The following TRIM7 variants were observed in gnomAD, a reference collection of about 807,000 sequenced individuals.
TRIM7 encodes E3 ubiquitin-protein ligase TRIM7.
A neutral mutation model predicts 37.9 loss-of-function variants in TRIM7; 32 were observed. The observed-to-expected ratio is 0.84, with a 90% CI of 0.64 to 1.13. The LOEUF (loss-of-function observed/expected upper bound fraction) is 1.13, where lower values mean the gene tolerates loss of function less well. TRIM7 is among the 50% of genes most tolerant of loss of function. The pLI, the probability that TRIM7 is intolerant of heterozygous loss-of-function variation, is 0.00. For synonymous variants in TRIM7, 351 were observed against 321.3 expected (o/e 1.09, Z -0.99); for missense variants, 732 against 714.0 (o/e 1.03, Z -0.29).
chr5:181,203,884 C>G, intron 1 of TRIM7: 10 of 1,281,774 alleles, frequency 7.8e-6, no homozygotes, highest in Non-Finnish European at 9.9e-6. Flanking sequence ...GCAGCCCTAC[C>G]CCTAGTCGTC....
chr5:181,204,929 C>T lies in TRIM7; in HGVS notation c.182G>A (p.Gly61Asp), dbSNP rs764478278. 1 of 1,407,400 alleles carries T rather than the reference C, an allele frequency of 7.1e-7. No individual in the cohort carries two copies. The allele number at this position is 1,407,400 out of a possible 1,614,324, so 87.2% of individuals were successfully genotyped here. ...ACIGRCWERP[G>D]AGSVGAATRA... ...GGTGGCGGCCCCAACAGACCCCGCG[C>T]CCGGGCGCTCCCAGCAGCGCCCTAT... The change falls in exon 1 of 7, where the codon GGC becomes GAC. Residue 61 changes from glycine to aspartate, a missense_variant. Coordinates refer to ENST00000274773, the MANE Select transcript of TRIM7 (RefSeq NM_203293.3).
intron 6 of TRIM7, chr5:181,197,125 G>A (rs1196097497): frequency 6.6e-6 from 1 of 150,418 alleles, no homozygotes; most frequent in Non-Finnish European, 1.5e-5. Flanking sequence ...TCCACCCTGG[G>A]CAACAAAGCG....
rs977051188 is a variant in TRIM7, at chr5:181,194,415, G to C, written c.*751C>G. 1 of 152,282 alleles carries C rather than the reference G, an allele frequency of 6.6e-6. No homozygotes were observed. The highest frequency in any genetic ancestry group is 2.4e-5 in the African/African-American group (1 of 41,458). The allele number at this position is 152,282 out of a possible 1,614,324, so 9.4% of individuals were successfully genotyped here. A position where few individuals can be genotyped will look rare whatever the true frequency, so the allele number is the denominator to read the frequency against. ...AGAAAGAGTAAATAAAGTTCCAGAAGCTTTGCTCTCCTTATCCAAGCAGCG... is the reference window on the plus strand; with the variant it reads ...AGAAAGAGTAAATAAAGTTCCAGAACCTTTGCTCTCCTTATCCAAGCAGCG... On this transcript the variant is annotated 3_prime_UTR_variant, in exon 7 of 7. Coordinates refer to ENST00000274773, the MANE Select transcript of TRIM7 (RefSeq NM_203293.3).
chr5:181,204,734 GC>G lies in TRIM7; in HGVS notation c.376del (p.Ala126ArgfsTer56), dbSNP rs1757715741. 2.7e-6 allele frequency: 4 copies of G among 1,466,252 alleles called. No homozygotes were observed. The highest frequency in any genetic ancestry group is 1.5e-5 in the African/African-American group (1 of 67,360). The allele number at this position is 1,466,252 out of a possible 1,614,324, so 90.8% of individuals were successfully genotyped here. Reference sequence around the variant, plus strand: ...GCCATGCTGCCCGCAGCGGGCAGCCGCTGCCCGGGCCGCGGCCGCCTGAGAC... The same window carrying G: ...GCCATGCTGCCCGCAGCGGGCAGCCGTGCCCGGGCCGCGGCCGCCTGAGAC... ...HGSQAAAARA[A>X]AARCGQHGEP... On this transcript the variant is annotated frameshift_variant, in exon 1 of 7. Coordinates refer to ENST00000274773, the MANE Select transcript of TRIM7 (RefSeq NM_203293.3). LOFTEE classifies it high-confidence loss of function.
In TRIM7 at chr5:181,203,240, T is replaced by G. The variant is rs1323402263; in HGVS notation, c.618+305A>C. 4 of 1,207,094 alleles carry G rather than the reference T, an allele frequency of 3.3e-6. No individual in the cohort carries two copies. In the Admixed American group the frequency reaches 1.6e-4, roughly 49 times the overall value. The allele number at this position is 1,207,094 out of a possible 1,614,324, so 74.8% of individuals were successfully genotyped here. On this transcript the variant is annotated intron_variant, in intron 2 of 6. Coordinates refer to ENST00000274773, the MANE Select transcript of TRIM7 (RefSeq NM_203293.3). The stretch of plus-strand genomic sequence containing the variant: ...AGTAATGTGTTCCATTACAAGATGC[T>G]TCCGCAGGCCCTAACTGGTATGTTA...
intron 5 of TRIM7, 147 bp downstream of exon 5, chr5:181,198,543 A>T: frequency 1.5e-6 from 1 of 683,924 alleles, no homozygotes; most frequent in African/African-American, 1.8e-5. Context: ...ATTTGCCACC[A>T]CAGCCCCTAC....
chr5:181,198,977 A>G (rs1582228735), intron 4 of TRIM7, 118 bp downstream of exon 4: 1 of 1,403,304 alleles, frequency 7.1e-7, no homozygotes, highest in South Asian at 1.2e-5. Context: ...GAAGGTCCCC[A>G]GGCAAGCAAG....
In TRIM7 at chr5:181,204,740, C is replaced by G. The variant is rs2113098406; in HGVS notation, c.371G>C (p.Arg124Pro). 2 of 1,460,954 alleles carry G rather than the reference C, an allele frequency of 1.4e-6. No individual in the cohort carries two copies. Among genetic ancestry groups the G allele is most frequent in the East Asian group, 3.0e-5 (1 of 33,622 alleles). The allele number at this position is 1,460,954 out of a possible 1,614,324, so 90.5% of individuals were successfully genotyped here. Residue 124 changes from arginine to proline, a missense_variant, in exon 1 of 7, where the codon CGG becomes CCG. Arg to Pro is a moderately radical substitution (Grantham distance 103). Transcript: ENST00000274773. The stretch of plus-strand genomic sequence containing the variant: ...CTGCCCGCAGCGGGCAGCCGCTGCC[C>G]GGGCCGCGGCCGCCTGAGACCCGTG... ...GEHGSQAAAARAAAARCGQHG... is the reference protein window; with the variant it reads ...GEHGSQAAAAPAAAARCGQHG...
At chr5:181,198,265 T>C in intron 5 of TRIM7, 47 bp from the exon 6 acceptor site, 1 of 1,601,082 alleles carries the variant, frequency 6.2e-7, no homozygotes. Context: ...ACACGGGAGA[T>C]TATATGGCAA....
rs1757000838 is a variant in TRIM7, at chr5:181,194,967, C to T, written c.*199G>A. Reference sequence around the variant, plus strand: ...TGTGACCTCAGGAAGGGAACACCCTCAGGAGTCCAAAGCCCCTGTTCCCCT... The same window carrying T: ...TGTGACCTCAGGAAGGGAACACCCTTAGGAGTCCAAAGCCCCTGTTCCCCT... On this transcript the variant is annotated 3_prime_UTR_variant, in exon 7 of 7. Coordinates refer to ENST00000274773, the MANE Select transcript of TRIM7 (RefSeq NM_203293.3). The T allele has an allele frequency of 1.8e-5, 11 of 609,866 alleles. No homozygotes were observed. In the South Asian group the frequency reaches 2.1e-4, roughly 12 times the overall value. 37.8% of individuals were successfully genotyped at this position (609,866 alleles called of 1,614,324 possible).
intron 2 of TRIM7, chr5:181,200,801 G>T: frequency 1.0e-6 from 1 of 985,666 alleles, no homozygotes; most frequent in Non-Finnish European, 1.2e-6. Context: ...CACTCAATAT[G>T]TCCCACCAGG....
At chr5:181,202,624 T>C (rs1445441307) in intron 2 of TRIM7, 9 of 150,602 alleles carry the variant, frequency 6.0e-5, no homozygotes, top group African/African-American at 1.7e-4. Context: ...TGGAGTGCAG[T>C]GGCGCGATCT....
chr5:181,196,685 C>G (rs1157265970), intron 6 of TRIM7: 1 of 152,190 alleles, frequency 6.6e-6, no homozygotes, highest in African/African-American at 2.4e-5. Context: ...CCACTGTACT[C>G]CATGATCTCA....
Position 181,194,097 on chromosome 5 carries a change from G to A in TRIM7, c.*1069C>T, listed in dbSNP as rs1056015. 6.6e-6 allele frequency: 1 copy of A among 152,324 alleles called. No homozygotes were observed. The highest frequency in any genetic ancestry group is 1.5e-5 in the Non-Finnish European group (1 of 68,090). The allele number at this position is 152,324 out of a possible 1,614,324, so 9.4% of individuals were successfully genotyped here. The stretch of plus-strand genomic sequence containing the variant: ...GAATGCCCTCCAGGGCATGGGCTGA[G>A]AAGGCCTTGGCACCAGGGTGCTCTG... On this transcript the variant is annotated 3_prime_UTR_variant, in exon 7 of 7. Transcript: ENST00000274773.
At chr5:181,200,296 G>C in intron 2 of TRIM7, 2 of 1,440,158 alleles carry the variant, frequency 1.4e-6, no homozygotes, top group South Asian at 1.5e-5. Context: ...CCCTGCCACA[G>C]ATGCACCCAC....
chr5:181,198,313 T>TC (rs1757260850), intron 5 of TRIM7, 95 bp from the exon 6 acceptor site: 1 of 1,323,002 alleles, frequency 7.6e-7, no homozygotes, highest in Non-Finnish European at 1.1e-6. Context: ...ACTCATTCAT[T>TC]CCCCAGAGAC....
chr5:181,196,025 G>A (rs571100171), intron 6 of TRIM7: 9 of 260,932 alleles, frequency 3.4e-5, no homozygotes, highest in African/African-American at 1.3e-4. Flanking sequence ...TACAAAGTCT[G>A]TTTCTTTAGA....
intron 2 of TRIM7, chr5:181,200,438 G>T: frequency 8.1e-7 from 1 of 1,239,940 alleles, no homozygotes; most frequent in East Asian, 3.5e-5. Flanking sequence ...GGCAACCATA[G>T]GATTAAACTG....
Position 181,198,910 on chromosome 5 carries a change from G to T in TRIM7, c.873-105C>A, listed in dbSNP as rs542618244. On this transcript the variant is annotated intron_variant, in intron 4 of 6. Transcript: ENST00000274773. ...CTCTTGGCAGAAAGAGGTAGAAAAGGGAGAGCCAGACCTCATGCAGAAAAA... is the reference window on the plus strand; with the variant it reads ...CTCTTGGCAGAAAGAGGTAGAAAAGTGAGAGCCAGACCTCATGCAGAAAAA... 6 of 1,184,178 alleles carry T rather than the reference G, an allele frequency of 5.1e-6. No individual in the cohort carries two copies. The African/African-American group carries it at 9.2e-5, about 18-fold the overall frequency. The allele number at this position is 1,184,178 out of a possible 1,614,324, so 73.4% of individuals were successfully genotyped here.
Sources: gnomAD v4.1 joint callset for allele counts on GRCh38, gnomAD v4.1.1 for gene constraint, MANE v1.5 for transcripts, NCBI Gene and HGNC (gene_info 2026-07-23, HGNC 2026-07-21) for gene names.